The following GNAZ variants were observed in gnomAD, a reference collection of about 807,000 sequenced individuals.
GNAZ encodes G protein subunit alpha z, also known as guanine nucleotide-binding protein G(z) subunit alpha.
Under a neutral mutation model 25.4 loss-of-function variants are expected in GNAZ, and 3 were observed. The ratio of observed to expected loss-of-function variants is 0.12; its 90% confidence interval spans 0.05 to 0.30. The LOEUF (loss-of-function observed/expected upper bound fraction) is 0.30. Ranked by LOEUF, GNAZ falls within the 10% of genes least tolerant of loss-of-function variation. The probability of loss-of-function intolerance (pLI) is 1.00; values close to 1 mark genes in which losing one functional copy is unlikely to be tolerated. For synonymous variants in GNAZ, 211 were observed against 205.7 expected (o/e 1.03, Z -0.22); for missense variants, 241 against 501.8 (o/e 0.48, Z 4.97).
At chr22:23,090,369 A>G (rs2068936476) in intron 1 of GNAZ, among the ~76,000 whole-genome samples, 1 of 152,088 alleles carries the variant, frequency 6.6e-6, no homozygotes, top group Non-Finnish European at 1.5e-5. Context: ...GCCTCACTGC[A>G]TCCACTTCCC....
intron 1 of GNAZ, among the ~76,000 whole-genome samples, chr22:23,093,294 G>A (rs192513970): frequency 9.9e-5 from 15 of 152,262 alleles, no homozygotes; most frequent in African/African-American, 3.6e-4. Context: ...ACTTCTCATC[G>A]GTGGCTGCCT....
intron 1 of GNAZ, among the ~76,000 whole-genome samples, chr22:23,073,454 C>T (rs1340960251): frequency 6.6e-6 from 1 of 152,206 alleles, no homozygotes; most frequent in Non-Finnish European, 1.5e-5. Context: ...GCATTCCAGT[C>T]TAGGTGGCAG....
chr22:23,086,357 C>T (rs925947266), intron 1 of GNAZ, among the ~76,000 whole-genome samples: 19 of 152,350 alleles, frequency 1.2e-4, no homozygotes, highest in African/African-American at 4.6e-4. Context: ...AGGCCACCTC[C>T]CAGGCCTGCT....
intron 2 of GNAZ, among the ~76,000 whole-genome samples, chr22:23,105,119 C>T (rs2069425095): frequency 6.6e-6 from 1 of 152,222 alleles, no homozygotes; most frequent in Non-Finnish European, 1.5e-5. Context: ...GACTGGGGGC[C>T]CTGGGCCTTG....
intron 1 of GNAZ, among the ~76,000 whole-genome samples, chr22:23,081,654 T>G (rs926944611): frequency 4.0e-5 from 6 of 151,820 alleles, no homozygotes; most frequent in African/African-American, 1.5e-4. Flanking sequence ...AAACCCTGTC[T>G]CTACTAAAAA....
intron 1 of GNAZ, among the ~76,000 whole-genome samples, chr22:23,076,863 G>T (rs1173575484): frequency 6.6e-6 from 1 of 152,236 alleles, no homozygotes; most frequent in Non-Finnish European, 1.5e-5. Context: ...CAGGGCAGGG[G>T]AAGGCACCAG....
intron 1 of GNAZ, among the ~76,000 whole-genome samples, chr22:23,070,943 G>A (rs1044211555): frequency 1.3e-5 from 2 of 151,838 alleles, no homozygotes; most frequent in African/African-American, 4.9e-5. Flanking sequence ...CAGGCGAGCT[G>A]CGGGAGCGGC....
chr22:23,074,749 C>T (rs956562744), intron 1 of GNAZ, among the ~76,000 whole-genome samples: 3 of 152,148 alleles, frequency 2.0e-5, no homozygotes, highest in Non-Finnish European at 2.9e-5. Context: ...GTCACAGTGG[C>T]GCCTCGGGAG....
chr22:23,113,023 G>C (rs1225960723), intron 2 of GNAZ, among the ~76,000 whole-genome samples: 1 of 152,164 alleles, frequency 6.6e-6, no homozygotes, highest in Non-Finnish European at 1.5e-5. Flanking sequence ...AAGGGGACCT[G>C]CTCTGAGCAT....
Position 23,123,509 on chromosome 22 carries a change from A to G in GNAZ, c.*78A>G. The stretch of plus-strand genomic sequence containing the variant: ...CCCCAACGCGTGCTAGAGAGGCCCA[A>G]TCCAGGGGCAGAAAACAGGGGGCCT... On this transcript the variant is annotated 3_prime_UTR_variant, in exon 3 of 3. Transcript: ENST00000615612. 1 of 872,568 alleles carries G rather than the reference A, an allele frequency of 1.1e-6. No individual in the cohort carries two copies. The allele number at this position is 872,568 out of a possible 1,614,324, so 54.1% of individuals were successfully genotyped here.
At chr22:23,077,948 G>A (rs2068551934) in intron 1 of GNAZ, among the ~76,000 whole-genome samples, 1 of 152,194 alleles carries the variant, frequency 6.6e-6, no homozygotes, top group South Asian at 2.1e-4. Context: ...ACTCCACCAT[G>A]AGGGCTTGGC....
chr22:23,086,635 G>C (rs558009412), intron 1 of GNAZ, among the ~76,000 whole-genome samples: 1 of 152,172 alleles, frequency 6.6e-6, no homozygotes, highest in Non-Finnish European at 1.5e-5. Context: ...GACCCTCCCC[G>C]GGGCCCAGCC....
Position 23,081,648 on chromosome 22 carries a change from C to G in GNAZ, c.-450+11078C>G, listed in dbSNP as rs191933824. ...ACCAATGTGGCCAACATGGCAAAACCCTGTCTCTACTAAAAATACAAAAAT... is the reference window on the plus strand; with the variant it reads ...ACCAATGTGGCCAACATGGCAAAACGCTGTCTCTACTAAAAATACAAAAAT... On this transcript the variant is annotated intron_variant, in intron 1 of 2. Transcript: ENST00000615612. Among the ~76,000 whole-genome samples the G allele has an allele frequency of 2.9e-3, 442 of 151,900 alleles. 1 individual carries two copies. Among genetic ancestry groups the G allele is most frequent in the South Asian group, 4.8e-3 (23 of 4,788 alleles).
intron 2 of GNAZ, among the ~76,000 whole-genome samples, chr22:23,099,016 T>C (rs1461958672): frequency 1.3e-5 from 2 of 152,260 alleles, no homozygotes; most frequent in Non-Finnish European, 2.9e-5. Flanking sequence ...CGAATGAACC[T>C]TGGGGCCCAG....
At chr22:23,121,329 T>C (rs2146397646) in intron 2 of GNAZ, among the ~76,000 whole-genome samples, 1 of 152,340 alleles carries the variant, frequency 6.6e-6, no homozygotes, top group South Asian at 2.1e-4. Context: ...CTGGGTATCC[T>C]TCCTTTCTCT....
intron 2 of GNAZ, among the ~76,000 whole-genome samples, chr22:23,122,054 A>G (rs1272854918): frequency 6.6e-6 from 1 of 152,212 alleles, no homozygotes; most frequent in East Asian, 1.9e-4. Context: ...AATCCAAAGC[A>G]TCAGATCTAA....
In GNAZ at chr22:23,071,717, G is replaced by C. The variant is rs1000271390; in HGVS notation, c.-450+1147G>C. Among the ~76,000 whole-genome samples the C allele has an allele frequency of 6.6e-6, 1 of 152,224 alleles. No individual in the cohort carries two copies. The highest frequency in any genetic ancestry group is 1.5e-5 in the Non-Finnish European group (1 of 68,050). ...GCTTGAGTGCAGGTGCAGGGGCCTC[G>C]GGAGGGACCTCAGAGTGGTGTCCTG... is the stretch of plus-strand genomic sequence containing the variant. On this transcript the variant is annotated intron_variant, in intron 1 of 2. Coordinates refer to ENST00000615612, the MANE Select transcript of GNAZ (RefSeq NM_002073.4). The surrounding 1 kb of genome is among the most constrained non-coding windows in gnomAD (Gnocchi z 4.1).
intron 1 of GNAZ, among the ~76,000 whole-genome samples, chr22:23,092,342 C>A (rs888786315): frequency 6.6e-6 from 1 of 152,160 alleles, no homozygotes. Flanking sequence ...TCCTTACATC[C>A]GTGCACAGCC....
chr22:23,084,561 C>T (rs2068765943), intron 1 of GNAZ, among the ~76,000 whole-genome samples: 1 of 152,240 alleles, frequency 6.6e-6, no homozygotes, highest in Non-Finnish European at 1.5e-5. Flanking sequence ...CAGACAGCCA[C>T]ACTGGCCAGG....
Sources: allele counts gnomAD v4.1 joint callset (sites outside exome capture counted in the v4.1 genomes callset), GRCh38; gene constraint gnomAD v4.1.1; non-coding constraint Gnocchi (gnomAD v3.1); transcripts MANE v1.5; gene names NCBI Gene and HGNC (gene_info 2026-07-23, HGNC 2026-07-21).